The following RBM26 variants were observed in gnomAD, a reference collection of about 807,000 sequenced individuals.
RBM26 encodes RNA-binding protein 26.
A neutral mutation model predicts 123.6 loss-of-function variants in RBM26; 30 were observed. That is an observed-to-expected ratio of 0.24 (90% CI 0.18 to 0.33). The LOEUF is 0.33. Among genes scored for constraint, RBM26 ranks in the 10% least tolerant of loss-of-function variants. The probability of loss-of-function intolerance (pLI) is 1.00; values close to 1 mark genes in which losing one functional copy is unlikely to be tolerated. For missense variants in RBM26, 947 were observed against 1,203.6 expected, an observed-to-expected ratio of 0.79 and a Z score of 3.15; for synonymous variants, 400 against 404.4, an observed-to-expected ratio of 0.99 and a Z score of 0.13.
intron 14 of RBM26, among the ~76,000 whole-genome samples, chr13:79,350,260 C>T (rs2073039939): frequency 6.6e-6 from 1 of 152,060 alleles, no homozygotes; most frequent in South Asian, 2.1e-4. Flanking sequence ...CAATAACATC[C>T]TGTATCATAA....
downstream of RBM26, chr13:79,314,849 T>TA (rs1475273333): frequency 5.8e-6 from 3 of 519,198 alleles, no homozygotes; most frequent in Non-Finnish European, 9.9e-6. Flanking sequence ...ATGCTAATTA[T>TA]AGTACATGTA....
chr13:79,356,369 C>CAAAAAAAAAAAAAAA (rs72305160), intron 11 of RBM26, among the ~76,000 whole-genome samples: 8 of 83,304 alleles, frequency 9.6e-5, no homozygotes, highest in African/African-American at 1.5e-4. Flanking sequence ...GACTCTGTCT[C>CAAAAAAAAAAAAAAA]AAAAAAAAAA....
intron 14 of RBM26, among the ~76,000 whole-genome samples, chr13:79,349,313 A>G (rs1181062192): frequency 1.3e-5 from 2 of 152,170 alleles, no homozygotes; most frequent in Admixed American, 6.5e-5. Context: ...CTGAAGTTTT[A>G]TATCTTTTGA....
At chr13:79,347,116 C>G (rs902145582) in intron 14 of RBM26, among the ~76,000 whole-genome samples, 14 of 152,134 alleles carry the variant, frequency 9.2e-5, no homozygotes, top group Non-Finnish European at 1.5e-5. Flanking sequence ...CTAAGGAGTG[C>G]TGGTTCAAAG....
At chr13:79,328,481 A>G (rs1340730613) in intron 20 of RBM26, among the ~76,000 whole-genome samples, 1 of 151,814 alleles carries the variant, frequency 6.6e-6, no homozygotes, top group Non-Finnish European at 1.5e-5. Context: ...TCAAAGAAAA[A>G]AAAAAGCCTA....
Position 79,368,746 on chromosome 13 carries a change from C to A in RBM26, c.879G>T (p.Arg293=), listed in dbSNP as rs375141093. The change falls in exon 6 of 22, where the codon CGG becomes CGT. Residue 293 remains arginine (R), a synonymous_variant. Coordinates refer to ENST00000438737, the MANE Select transcript of RBM26 (RefSeq NM_001366735.2). ...AAGACTTACCATCATAGTCTCTACA[C>A]CGTTTCTTTGGCATGGGTGGTCTTA... The part of the protein sequence containing the change: ...SYVRPPMPKK[R]CRDYDEKGFC... 2.5e-6 allele frequency: 4 copies of A among 1,613,884 alleles called. No homozygotes were observed. The highest frequency in any genetic ancestry group is 2.5e-6 in the Non-Finnish European group (3 of 1,179,848).
intron 20 of RBM26, among the ~76,000 whole-genome samples, chr13:79,325,035 C>A (rs905940099): frequency 6.6e-6 from 1 of 151,980 alleles, no homozygotes; most frequent in African/African-American, 2.4e-5. Flanking sequence ...CTGAAAAATT[C>A]CTATTGCTTA....
chr13:79,358,996 A>G (rs1484788637), intron 10 of RBM26, among the ~76,000 whole-genome samples: 1 of 152,240 alleles, frequency 6.6e-6, no homozygotes, highest in Non-Finnish European at 1.5e-5. Context: ...ATCACAAACA[A>G]CTAGAAACTA....
At chr13:79,400,826 A>C (rs1389629485) in intron 1 of RBM26, among the ~76,000 whole-genome samples, 2 of 152,206 alleles carry the variant, frequency 1.3e-5, no homozygotes, top group African/African-American at 4.8e-5. Flanking sequence ...TGAGGTAAGT[A>C]ATTTTGGTTG....
chr13:79,337,009 A>G, intron 19 of RBM26, 93 bp downstream of exon 19: 1 of 1,175,916 alleles, frequency 8.5e-7, no homozygotes, highest in Non-Finnish European at 1.2e-6. Flanking sequence ...AGTTGAAATT[A>G]CTTATGTCCT....
chr13:79,386,937 C>T (rs957447637), intron 1 of RBM26, among the ~76,000 whole-genome samples: 3 of 152,050 alleles, frequency 2.0e-5, no homozygotes, highest in Non-Finnish European at 2.9e-5. Context: ...TTGGCTGAGT[C>T]GATTAAGCCT....
chr13:79,396,858 G>GA (rs1441374136), intron 1 of RBM26, among the ~76,000 whole-genome samples: 1 of 152,138 alleles, frequency 6.6e-6, no homozygotes, highest in African/African-American at 2.4e-5. Flanking sequence ...AAAAAAACGG[G>GA]AAAATCTGTA....
At chr13:79,368,347 A>C (rs2075552919) in intron 6 of RBM26, among the ~76,000 whole-genome samples, 1 of 152,204 alleles carries the variant, frequency 6.6e-6, no homozygotes, top group Non-Finnish European at 1.5e-5. Context: ...ATTCTTTAAT[A>C]AAATTCTTAC....
At chr13:79,326,999 A>T (rs772867643) in intron 20 of RBM26, among the ~76,000 whole-genome samples, 2 of 152,128 alleles carry the variant, frequency 1.3e-5, no homozygotes, top group Non-Finnish European at 2.9e-5. Context: ...AAAGCATTAT[A>T]AAAATCCATT....
downstream of RBM26, chr13:79,315,092 T>TA (rs1239923509): frequency 1.2e-5 from 7 of 563,824 alleles, no homozygotes; most frequent in East Asian, 4.1e-4. Flanking sequence ...TTCTAAACAT[T>TA]AAAAAAGTCT....
downstream of RBM26, chr13:79,314,820 A>G: frequency 2.6e-6 from 1 of 380,094 alleles, no homozygotes; most frequent in Non-Finnish European, 5.0e-6. Flanking sequence ...ATGTACTCTT[A>G]GAGAACTGTA....
chr13:79,327,669 T>C (rs943663841), intron 20 of RBM26, among the ~76,000 whole-genome samples: 1 of 151,928 alleles, frequency 6.6e-6, no homozygotes, highest in African/African-American at 2.4e-5. Flanking sequence ...GAAGAACCAA[T>C]AGAAAATATT....
chr13:79,387,085 T>C (rs1389935821), intron 1 of RBM26, among the ~76,000 whole-genome samples: 1 of 152,172 alleles, frequency 6.6e-6, no homozygotes, highest in Non-Finnish European at 1.5e-5. Context: ...TGCCAAAATT[T>C]ATCTTTAAAA....
intron 1 of RBM26, among the ~76,000 whole-genome samples, chr13:79,391,579 A>C (rs1337191938): frequency 6.6e-6 from 1 of 151,932 alleles, no homozygotes; most frequent in Non-Finnish European, 1.5e-5. Context: ...GCCCACCACA[A>C]CACCAGGCTG....
Sources: allele counts gnomAD v4.1 joint callset (sites outside exome capture counted in the v4.1 genomes callset), GRCh38; gene constraint gnomAD v4.1.1; transcripts MANE v1.5; gene names NCBI Gene and HGNC (gene_info 2026-07-23, HGNC 2026-07-21).